FARS2: variants seen among roughly 807,000 people sequenced by gnomAD.
FARS2 encodes the protein phenylalanyl-tRNA synthetase 2, mitochondrial.
In FARS2, 40 loss-of-function variants were observed where a neutral mutation model predicts 46.4. That is an observed-to-expected ratio of 0.86 (90% CI 0.67 to 1.12). The LOEUF is 1.12. Among genes scored for constraint, FARS2 ranks in the 50% most tolerant of loss-of-function variants. FARS2 has a pLI of 0.00. For missense variants in FARS2, 513 were observed against 567.9 expected, an observed-to-expected ratio of 0.90 and a Z score of 0.98; for synonymous variants, 234 against 214.9, an observed-to-expected ratio of 1.09 and a Z score of -0.78.
chr6:5,588,026 T>C, intron 5 of FARS2, among the ~76,000 whole-genome samples: 1 of 152,168 alleles, frequency 6.6e-6, no homozygotes, highest in East Asian at 1.9e-4. Flanking sequence ...GAATCACTCA[T>C]GGGCTAGTGG....
At chr6:5,361,172 C>A (rs1017990928) in intron 1 of FARS2, among the ~76,000 whole-genome samples, 4 of 152,092 alleles carry the variant, frequency 2.6e-5, no homozygotes, top group Non-Finnish European at 1.5e-5. Flanking sequence ...GAGTTAAGAT[C>A]ATATCGTACA....
At chr6:5,696,120 A>G (rs948101475) in intron 6 of FARS2, among the ~76,000 whole-genome samples, 7 of 152,252 alleles carry the variant, frequency 4.6e-5, no homozygotes, top group African/African-American at 1.2e-4. Flanking sequence ...GTCTGTGGAC[A>G]TGCAAATCGG....
At chr6:5,739,457 T>G (rs1339809588) in intron 6 of FARS2, among the ~76,000 whole-genome samples, 2 of 152,184 alleles carry the variant, frequency 1.3e-5, no homozygotes, top group Non-Finnish European at 2.9e-5. Flanking sequence ...GAAGCAATAA[T>G]AAAAAACAAA....
chr6:5,432,946 C>T (rs1446282798), intron 4 of FARS2, among the ~76,000 whole-genome samples: 1 of 152,094 alleles, frequency 6.6e-6, no homozygotes, highest in African/African-American at 2.4e-5. Context: ...TACTCTCCAT[C>T]TGCAGGGGCC....
intron 6 of FARS2, among the ~76,000 whole-genome samples, chr6:5,629,490 A>G (rs1776192731): frequency 6.6e-6 from 1 of 152,154 alleles, no homozygotes; most frequent in Non-Finnish European, 1.5e-5. Flanking sequence ...CAGAAATGTA[A>G]GAGTGAAGTA....
At chr6:5,704,888 G>A (rs1758648794) in intron 6 of FARS2, among the ~76,000 whole-genome samples, 1 of 152,214 alleles carries the variant, frequency 6.6e-6, no homozygotes, top group African/African-American at 2.4e-5. Flanking sequence ...TTCCTCATTT[G>A]TAAATGCAGA....
At chr6:5,529,942 C>T (rs77047870) in intron 4 of FARS2, among the ~76,000 whole-genome samples, 39 of 152,324 alleles carry the variant, frequency 2.6e-4, no homozygotes, top group African/African-American at 9.4e-4. Flanking sequence ...CAGCAGGCAG[C>T]CAACACCAGA....
At chr6:5,534,129 G>T (rs552373781) in intron 4 of FARS2, among the ~76,000 whole-genome samples, 1 of 152,148 alleles carries the variant, frequency 6.6e-6, no homozygotes, top group Non-Finnish European at 1.5e-5. Flanking sequence ...GGCTCAATTA[G>T]TGTATCTCAG....
chr6:5,619,041 C>T (rs1175822592), intron 6 of FARS2, among the ~76,000 whole-genome samples: 2 of 152,134 alleles, frequency 1.3e-5, no homozygotes, highest in African/African-American at 2.4e-5. Flanking sequence ...TCTGTAACAC[C>T]AGTTGCTCAG....
At chr6:5,481,231 C>A (rs1307692404) in intron 4 of FARS2, among the ~76,000 whole-genome samples, 1 of 152,176 alleles carries the variant, frequency 6.6e-6, no homozygotes, top group East Asian at 1.9e-4. Flanking sequence ...GTGTTCCTGC[C>A]CAGGCACACC....
chr6:5,659,148 C>T (rs1419898366), intron 6 of FARS2, among the ~76,000 whole-genome samples: 1 of 152,206 alleles, frequency 6.6e-6, no homozygotes, highest in Non-Finnish European at 1.5e-5. Context: ...TAAGCCCTGG[C>T]TGTCCCCATC....
chr6:5,685,179 A>G (rs1379295694), intron 6 of FARS2, among the ~76,000 whole-genome samples: 1 of 152,236 alleles, frequency 6.6e-6, no homozygotes, highest in Admixed American at 6.5e-5. Context: ...ATTTGGGGCC[A>G]GAACCAATCA....
At chr6:5,283,374 CAAAAAAAA>C (rs1180107524) in intron 1 of FARS2, among the ~76,000 whole-genome samples, 4 of 55,078 alleles carry the variant, frequency 7.3e-5, no homozygotes, top group Non-Finnish European at 1.4e-4. Flanking sequence ...ACTCCTGTCT[CAAAAAAAA>C]AAAAAAAAAA....
chr6:5,320,260 A>G (rs1769870824), intron 1 of FARS2, among the ~76,000 whole-genome samples: 1 of 152,164 alleles, frequency 6.6e-6, no homozygotes, highest in Non-Finnish European at 1.5e-5. Context: ...TAACAGATGG[A>G]TCTCCCTAAC....
chr6:5,439,527 T>G (rs1280913175), intron 4 of FARS2, among the ~76,000 whole-genome samples: 1 of 152,204 alleles, frequency 6.6e-6, no homozygotes, highest in Non-Finnish European at 1.5e-5. Context: ...TTTTTCTGTT[T>G]TTTTACTTTT....
At chr6:5,312,574 G>A (rs1211032064) in intron 1 of FARS2, among the ~76,000 whole-genome samples, 2 of 152,170 alleles carry the variant, frequency 1.3e-5, no homozygotes, top group African/African-American at 4.8e-5. Context: ...TATGGAGGAG[G>A]GTTTTGAAAA....
At chr6:5,741,894 C>T (rs952434220) in intron 6 of FARS2, among the ~76,000 whole-genome samples, 1 of 152,138 alleles carries the variant, frequency 6.6e-6, no homozygotes, top group African/African-American at 2.4e-5. Flanking sequence ...TCAAGTGATC[C>T]GCCCGCCTCA....
At chr6:5,469,029 G>T (rs147936311) in intron 4 of FARS2, among the ~76,000 whole-genome samples, 1 of 152,230 alleles carries the variant, frequency 6.6e-6, no homozygotes, top group African/African-American at 2.4e-5. Context: ...TCAGTTTACC[G>T]GATTCTGGTC....
At chr6:5,428,343 T>C (rs1762964355) in intron 3 of FARS2, among the ~76,000 whole-genome samples, 1 of 152,194 alleles carries the variant, frequency 6.6e-6, no homozygotes, top group Non-Finnish European at 1.5e-5. Context: ...AAAGTAAACT[T>C]GTGTAGCACT....
Sources: allele counts gnomAD v4.1 joint callset (sites outside exome capture counted in the v4.1 genomes callset), GRCh38; gene constraint gnomAD v4.1.1; transcripts MANE v1.5; gene names NCBI Gene and HGNC (gene_info 2026-07-23, HGNC 2026-07-21).